TBC1D1: variants seen among roughly 807,000 people sequenced by gnomAD.
TBC1D1 encodes TBC1 domain family member 1, also known as TBC1 (tre-2/USP6, BUB2, cdc16) domain family, member 1.
TBC1D1 carries 89 observed loss-of-function variants against 125.6 expected under a neutral mutation model. That is an observed-to-expected ratio of 0.71 (90% CI 0.60 to 0.85). TBC1D1 has a LOEUF of 0.85. Ranked by LOEUF, TBC1D1 falls within the 40% of genes least tolerant of loss-of-function variation. The pLI, the probability that TBC1D1 is intolerant of heterozygous loss-of-function variation, is 0.00. For missense variants in TBC1D1, 1,377 were observed against 1,469.2 expected (o/e 0.94, Z 1.03); for synonymous variants, 565 against 564.1 (o/e 1.00, Z -0.02).
intron 17 of TBC1D1, among the ~76,000 whole-genome samples, chr4:38,118,995 T>G (rs960931477): frequency 3.3e-5 from 5 of 152,288 alleles, no homozygotes; most frequent in Admixed American, 6.5e-5. Flanking sequence ...TCGGGCACAG[T>G]TTGTTTTCCC....
chr4:37,952,014 A>C, intron 2 of TBC1D1: 1 of 717,716 alleles, frequency 1.4e-6, no homozygotes, highest in South Asian at 1.5e-5. Flanking sequence ...AGTGCTCATC[A>C]TCACTGTAGG....
At chr4:37,945,991 G>A (rs1041564048) in intron 2 of TBC1D1, among the ~76,000 whole-genome samples, 1 of 152,120 alleles carries the variant, frequency 6.6e-6, no homozygotes, top group Non-Finnish European at 1.5e-5. Flanking sequence ...TATTTTACAA[G>A]GTGATTATAG....
At chr4:38,125,811 G>A (rs185020100) in intron 18 of TBC1D1, among the ~76,000 whole-genome samples, 197 of 152,346 alleles carry the variant, frequency 1.3e-3, no homozygotes, top group African/African-American at 4.5e-3. Context: ...GAACCTGCCA[G>A]TAATGGCTGC....
chr4:37,897,201 T>C (rs911910240), intron 1 of TBC1D1, among the ~76,000 whole-genome samples: 8 of 152,216 alleles, frequency 5.3e-5, no homozygotes, highest in East Asian at 1.9e-4. Flanking sequence ...GGTTTGTTAG[T>C]ATTAAACTGG....
At chr4:38,053,201 C>A in intron 11 of TBC1D1, 1 of 1,521,626 alleles carries the variant, frequency 6.6e-7, no homozygotes, top group East Asian at 2.5e-5. Context: ...GAAAATAACA[C>A]CTCTGATTTT....
chr4:38,060,976 C>T (rs561804567), intron 12 of TBC1D1, among the ~76,000 whole-genome samples: 64 of 152,290 alleles, frequency 4.2e-4, no homozygotes, highest in Non-Finnish European at 7.9e-4. Context: ...TGCCCTGGGT[C>T]TCTAGTGATG....
At chr4:38,015,032 T>C in intron 3 of TBC1D1, 59 bp downstream of exon 3, 2 of 1,418,838 alleles carry the variant, frequency 1.4e-6, no homozygotes, top group Non-Finnish European at 1.9e-6. Flanking sequence ...CAAGAGAAAA[T>C]CTGCTTTATG....
chr4:38,108,351 A>C (rs1399858650), intron 15 of TBC1D1, among the ~76,000 whole-genome samples: 1 of 152,230 alleles, frequency 6.6e-6, no homozygotes, highest in Non-Finnish European at 1.5e-5. Flanking sequence ...GGAGGGCTTC[A>C]GCCGAAAGAA....
At chr4:38,074,105 C>G (rs1460716078) in intron 12 of TBC1D1, among the ~76,000 whole-genome samples, 1 of 152,188 alleles carries the variant, frequency 6.6e-6, no homozygotes, top group African/African-American at 2.4e-5. Flanking sequence ...CAGAGGAAAC[C>G]TGGTTCCTGA....
intron 2 of TBC1D1, among the ~76,000 whole-genome samples, chr4:37,991,977 G>A (rs1736665104): frequency 6.6e-6 from 1 of 152,226 alleles, no homozygotes; most frequent in Non-Finnish European, 1.5e-5. Context: ...AGGTGTGTTC[G>A]AAACATGTTT....
At chr4:37,957,809 C>G (rs1729214823) in intron 2 of TBC1D1, among the ~76,000 whole-genome samples, 1 of 152,104 alleles carries the variant, frequency 6.6e-6, no homozygotes, top group Non-Finnish European at 1.5e-5. Context: ...ATTTACATTT[C>G]CTGACAAACT....
chr4:38,045,348 A>C (rs1160563011), intron 9 of TBC1D1, among the ~76,000 whole-genome samples: 1 of 152,084 alleles, frequency 6.6e-6, no homozygotes, highest in Non-Finnish European at 1.5e-5. Flanking sequence ...TTTTCTTCGA[A>C]GATGTTTCTG....
At chr4:38,083,903 A>C (rs1757011749) in intron 12 of TBC1D1, among the ~76,000 whole-genome samples, 1 of 149,816 alleles carries the variant, frequency 6.7e-6, no homozygotes, top group South Asian at 2.1e-4. Context: ...CAACAACTTA[A>C]CAGTATTTCT....
intron 2 of TBC1D1, among the ~76,000 whole-genome samples, chr4:37,908,426 G>A (rs954238195): frequency 3.3e-5 from 5 of 152,052 alleles, no homozygotes; most frequent in Admixed American, 1.3e-4. Flanking sequence ...GGCTTGTCCC[G>A]AACTCCTGGC....
rs147965218 is a variant in TBC1D1 at position 38,083,658 on chromosome 4, G to A, written c.2051-6274G>A. ...TTTCGCAGATTAGGAAACTAAGGTGGCAAGTGATCAGATAACCTGTTTGAG... is the reference window on the plus strand; with the variant it reads ...TTTCGCAGATTAGGAAACTAAGGTGACAAGTGATCAGATAACCTGTTTGAG... On this transcript the variant is annotated intron_variant, in intron 12 of 19. Transcript: ENST00000261439. Among the ~76,000 whole-genome samples, 61 of 152,298 alleles carry A rather than the reference G, an allele frequency of 4.0e-4. 1 individual carries two copies. The East Asian group carries it at 0.011, about 28-fold the overall frequency.
At chr4:38,090,757 G>T (rs1758289162) in intron 13 of TBC1D1, among the ~76,000 whole-genome samples, 1 of 152,158 alleles carries the variant, frequency 6.6e-6, no homozygotes, top group African/African-American at 2.4e-5. Flanking sequence ...GAGTCTTAGG[G>T]TATCTAGAGA....
At chr4:38,032,704 G>A (rs529873881) in intron 7 of TBC1D1, among the ~76,000 whole-genome samples, 3 of 151,994 alleles carry the variant, frequency 2.0e-5, no homozygotes, top group South Asian at 2.1e-4. Context: ...GTGTGATGGC[G>A]GGTGCCTGTA....
At chr4:38,131,530 G>A (rs188065126) in intron 18 of TBC1D1, among the ~76,000 whole-genome samples, 211 of 152,308 alleles carry the variant, frequency 1.4e-3, no homozygotes, top group African/African-American at 4.8e-3. Flanking sequence ...CCTGCCAGGC[G>A]TGTGCTGGGA....
rs566438692 is a variant in TBC1D1, at chr4:37,975,132, G to A, written c.418-39377G>A. Among the ~76,000 whole-genome samples, 4 of 152,294 alleles carry A rather than the reference G, an allele frequency of 2.6e-5. No homozygotes were observed. The East Asian group carries it at 7.7e-4, about 29-fold the overall frequency. On this transcript the variant is annotated intron_variant, in intron 2 of 19. Transcript: ENST00000261439. ...CTGTGCTGATATTTATTGGATATAA[G>A]ACAAAGGGGCAGGGTAAGGAGTGTG...
Sources: gnomAD v4.1 joint callset for allele counts (sites outside exome capture counted in the v4.1 genomes callset) on GRCh38, gnomAD v4.1.1 for gene constraint, MANE v1.5 for transcripts, NCBI Gene and HGNC (gene_info 2026-07-23, HGNC 2026-07-21) for gene names.